Variants in DMXL2 observed in about 807,000 individuals in gnomAD.
DMXL2 encodes Dmx like 2.
Under a neutral mutation model 331.1 loss-of-function variants are expected in DMXL2, and 103 were observed. The ratio of observed to expected loss-of-function variants is 0.31; its 90% confidence interval spans 0.27 to 0.37. The LOEUF (loss-of-function observed/expected upper bound fraction) is 0.37. DMXL2 is among the 10% of genes least tolerant of loss of function. DMXL2 has a pLI of 1.00. For missense variants in DMXL2, 3,171 were observed against 3,642.9 expected, an observed-to-expected ratio of 0.87 and a Z score of 3.33; for synonymous variants, 1,281 against 1,252.1, an observed-to-expected ratio of 1.02 and a Z score of -0.49.
chr15:51,612,385 T>C (rs1156671741), intron 1 of DMXL2, among the ~76,000 whole-genome samples: 1 of 152,148 alleles, frequency 6.6e-6, no homozygotes, highest in African/African-American at 2.4e-5. Context: ...AATAACAATA[T>C]CGGGGGAAAT....
chr15:51,592,821 A>AT (rs1595666535), intron 1 of DMXL2, among the ~76,000 whole-genome samples: 1 of 150,372 alleles, frequency 6.7e-6, no homozygotes, highest in East Asian at 2.0e-4. Context: ...ACTAAGCTTC[A>AT]TAAGTGAAGG....
In DMXL2 at chr15:51,503,000, A is replaced by C. The variant is rs760161968; in HGVS notation, c.2798T>G (p.Leu933Arg). The C allele has an allele frequency of 6.2e-7, 1 of 1,613,692 alleles. No individual in the cohort carries two copies. The highest frequency in any genetic ancestry group is 1.3e-5 in the African/African-American group (1 of 74,944). Residue 933 changes from leucine (L) to arginine (R), a missense_variant, in exon 17 of 44, where the codon CTA becomes CGA. Physicochemically the swap from Leu to Arg is moderately radical, Grantham distance 102 (BLOSUM62 -2). Coordinates refer to ENST00000560891, the MANE Select transcript of DMXL2 (RefSeq NM_001378457.1). The part of the protein sequence containing the change: ...KASEGASSES[L>R]LSVPGQKNVD... ...GTTCTTCTGTCCAGGGACTGAAAGT[A>C]GACTCTCAGAGGAAGCCCCTTCTGA...
At chr15:51,608,968 G>C (rs1379724450) in intron 1 of DMXL2, among the ~76,000 whole-genome samples, 1 of 152,072 alleles carries the variant, frequency 6.6e-6, no homozygotes, top group Non-Finnish European at 1.5e-5. Context: ...TGTCTTCCAG[G>C]GTTATAAAAA....
intron 1 of DMXL2, among the ~76,000 whole-genome samples, chr15:51,618,748 CT>C (rs1447636258): frequency 2.6e-5 from 4 of 152,168 alleles, no homozygotes; most frequent in Non-Finnish European, 1.5e-5. Context: ...CATTCCTTTG[CT>C]TCTGTTGTTC....
At chr15:51,464,113 C>T (rs997483242) in intron 32 of DMXL2, among the ~76,000 whole-genome samples, 3 of 152,118 alleles carry the variant, frequency 2.0e-5, no homozygotes, top group Non-Finnish European at 4.4e-5. Context: ...ACAATAAGAA[C>T]ATAAATATGC....
intron 1 of DMXL2, among the ~76,000 whole-genome samples, chr15:51,597,716 T>G (rs1268893034): frequency 1.3e-5 from 2 of 152,212 alleles, no homozygotes; most frequent in Non-Finnish European, 2.9e-5. Flanking sequence ...TAATGCTAAA[T>G]TGTTTTCCAA....
chr15:51,545,105 A>G (rs2048819882), intron 8 of DMXL2, among the ~76,000 whole-genome samples: 2 of 152,154 alleles, frequency 1.3e-5, no homozygotes, highest in Non-Finnish European at 2.9e-5. Context: ...GAAACTCCAA[A>G]GCAGTTCATT....
intron 1 of DMXL2, among the ~76,000 whole-genome samples, chr15:51,592,627 A>C (rs989692942): frequency 6.6e-6 from 1 of 152,194 alleles, no homozygotes; most frequent in Admixed American, 6.5e-5. Context: ...TGATTAACCA[A>C]AGTTGAAATG....
chr15:51,550,130 G>A (rs1040932329), intron 6 of DMXL2, among the ~76,000 whole-genome samples: 3 of 152,058 alleles, frequency 2.0e-5, no homozygotes, highest in African/African-American at 7.2e-5. Context: ...ATATTCACAA[G>A]TCAATACATA....
At chr15:51,544,898 A>G (rs1470220558) in intron 8 of DMXL2, among the ~76,000 whole-genome samples, 2 of 152,130 alleles carry the variant, frequency 1.3e-5, no homozygotes, top group Non-Finnish European at 2.9e-5. Context: ...CAGCCACAAG[A>G]AAAATAGTAA....
At chr15:51,491,177 A>G (rs914973798) in intron 20 of DMXL2, among the ~76,000 whole-genome samples, 3 of 152,242 alleles carry the variant, frequency 2.0e-5, no homozygotes, top group African/African-American at 4.8e-5. Flanking sequence ...ATGGTGGCTC[A>G]TGCCTGTAAT....
At position 51,622,760 on chromosome 15, in the gene DMXL2, A is replaced by G; in HGVS notation, c.-215T>C. On this transcript the variant is annotated 5_prime_UTR_variant, in exon 1 of 44. Coordinates refer to ENST00000560891, the MANE Select transcript of DMXL2 (RefSeq NM_001378457.1). ...GCCGCCGCCGCCCGGGTCGCCGCTCAGCTGCGGAAATGCCCGGATGTTCCC... is the reference window on the plus strand; with the variant it reads ...GCCGCCGCCGCCCGGGTCGCCGCTCGGCTGCGGAAATGCCCGGATGTTCCC... The G allele has an allele frequency of 1.2e-6, 1 of 853,362 alleles. No homozygotes were observed. Among genetic ancestry groups the G allele is most frequent in the Non-Finnish European group, 1.7e-6 (1 of 582,016 alleles). 52.9% of individuals were successfully genotyped at this position (853,362 alleles called of 1,614,324 possible). A position where few individuals can be genotyped will look rare whatever the true frequency, so the allele number is the denominator to read the frequency against.
At chr15:51,565,366 T>C (rs1339072860) in intron 3 of DMXL2, among the ~76,000 whole-genome samples, 200 bp from the exon 4 acceptor site, 2 of 152,216 alleles carry the variant, frequency 1.3e-5, no homozygotes, top group Non-Finnish European at 2.9e-5. Flanking sequence ...TTATACCATA[T>C]TGAGCTCCTT....
intron 41 of DMXL2, among the ~76,000 whole-genome samples, chr15:51,453,062 A>G (rs1357725540): frequency 6.6e-6 from 1 of 151,734 alleles, no homozygotes; most frequent in Non-Finnish European, 1.5e-5. Context: ...TCAGAATGAT[A>G]TATAATGGAC....
At chr15:51,491,246 T>C (rs919790104) in intron 20 of DMXL2, among the ~76,000 whole-genome samples, 6 of 152,112 alleles carry the variant, frequency 3.9e-5, no homozygotes, top group Non-Finnish European at 8.8e-5. Context: ...TTCGAGACCA[T>C]CCTGGCCAAC....
In DMXL2 at chr15:51,622,658, G is replaced by A. The variant is rs533725253; in HGVS notation, c.-113C>T. ...TGTGCCTCCCTCGGAAACCCGCCCC[G>A]CGGAGGCTCTGGCTTAACTCCTCGC... On this transcript the variant is annotated 5_prime_UTR_variant, in exon 1 of 44. Coordinates refer to ENST00000560891, the MANE Select transcript of DMXL2 (RefSeq NM_001378457.1). 3.4e-6 allele frequency: 5 copies of A among 1,449,342 alleles called. No homozygotes were observed. The African/African-American group carries it at 5.8e-5, about 17-fold the overall frequency. The allele number at this position is 1,449,342 out of a possible 1,614,324, so 89.8% of individuals were successfully genotyped here. A position where few individuals can be genotyped will look rare whatever the true frequency, so the allele number is the denominator to read the frequency against.
chr15:51,594,074 A>G (rs892365264), intron 1 of DMXL2, among the ~76,000 whole-genome samples: 5 of 152,230 alleles, frequency 3.3e-5, no homozygotes, highest in African/African-American at 1.2e-4. Flanking sequence ...TCAGAGCAGA[A>G]CTGAAGGAAA....
intron 1 of DMXL2, among the ~76,000 whole-genome samples, chr15:51,616,324 G>A (rs921383568): frequency 4.0e-5 from 6 of 151,884 alleles, no homozygotes; most frequent in African/African-American, 1.4e-4. Context: ...GAAATGAGAG[G>A]ATTTGAGAGT....
chr15:51,565,276 T>C (rs1159675908), intron 3 of DMXL2, 110 bp from the exon 4 acceptor site: 3 of 601,090 alleles, frequency 5.0e-6, no homozygotes, highest in East Asian at 6.6e-5. Context: ...CTTTAAGATC[T>C]GGAACAAAGA....
Sources: allele counts gnomAD v4.1 joint callset (sites outside exome capture counted in the v4.1 genomes callset), GRCh38; gene constraint gnomAD v4.1.1; transcripts MANE v1.5; gene names NCBI Gene and HGNC (gene_info 2026-07-23, HGNC 2026-07-21).